The following SEC24D variants were observed in gnomAD, a reference collection of about 807,000 sequenced individuals.
The protein encoded by SEC24D is protein transport protein Sec24D.
SEC24D carries 69 observed loss-of-function variants against 116.9 expected under a neutral mutation model. The observed-to-expected ratio is 0.59, with a 90% CI of 0.49 to 0.72. The LOEUF (loss-of-function observed/expected upper bound fraction) is 0.72. Among genes scored for constraint, SEC24D ranks in the 30% least tolerant of loss-of-function variants. The pLI, the probability that SEC24D is intolerant of heterozygous loss-of-function variation, is 0.00. For missense variants in SEC24D, 1,131 were observed against 1,264.1 expected (o/e 0.89, Z 1.60); for synonymous variants, 405 against 442.8 (o/e 0.91, Z 1.07).
At chr4:118,831,221 G>T (rs144834089) in intron 2 of SEC24D, among the ~76,000 whole-genome samples, 13 of 152,236 alleles carry the variant, frequency 8.5e-5, no homozygotes, top group African/African-American at 2.6e-4. Context: ...TAGAGACCGG[G>T]ATTCACCATG....
intron 2 of SEC24D, among the ~76,000 whole-genome samples, chr4:118,829,760 C>T (rs1212835001): frequency 6.6e-6 from 1 of 151,456 alleles, no homozygotes. Context: ...TGCAGTGAGC[C>T]GAGATCGTGC....
At chr4:118,751,176 C>T (rs925578596) in intron 13 of SEC24D, among the ~76,000 whole-genome samples, 175 of 100,258 alleles carry the variant, frequency 1.7e-3, no homozygotes, top group Admixed American at 2.5e-3. Flanking sequence ...AGAGTGAGGG[C>T]TTTTTTTTTT....
intron 2 of SEC24D, among the ~76,000 whole-genome samples, chr4:118,827,404 A>AC: frequency 6.6e-6 from 1 of 152,336 alleles, no homozygotes; most frequent in South Asian, 2.1e-4. Context: ...GGAAAGGAAC[A>AC]CCGTGCAATG....
Position 118,792,098 on chromosome 4 carries a change from G to A in SEC24D, c.1041+5585C>T, listed in dbSNP as rs1204932922. ...ATGTGGGGAGCGCCTCTGCCCCGCC[G>A]CCCCGTCTGAGATGTGAAGAGCGCC... On this transcript the variant is annotated intron_variant, in intron 8 of 22. Coordinates refer to ENST00000280551, the MANE Select transcript of SEC24D (RefSeq NM_014822.4). Among the ~76,000 whole-genome samples the A allele has an allele frequency of 3.8e-3, 559 of 145,862 alleles. 2 individuals carry two copies. Among genetic ancestry groups the A allele is most frequent in the Admixed American group, 3.3e-3 (49 of 14,690 alleles).
intron 2 of SEC24D, among the ~76,000 whole-genome samples, chr4:118,829,297 G>A (rs1317602128): frequency 1.3e-5 from 2 of 152,168 alleles, no homozygotes; most frequent in African/African-American, 4.8e-5. Flanking sequence ...AGGATGGCTT[G>A]AGGCCAGGAG....
chr4:118,760,612 T>C (rs1331793129), intron 10 of SEC24D: 1 of 152,224 alleles, frequency 6.6e-6, no homozygotes, highest in Admixed American at 6.5e-5. Context: ...ATACTGCTGC[T>C]ATGAACAAGG....
chr4:118,775,345 CAAAAAAA>C (rs55740002), intron 8 of SEC24D, among the ~76,000 whole-genome samples: 1,384 of 114,518 alleles, frequency 0.012, 8 homozygotes, highest in Non-Finnish European at 0.015. Flanking sequence ...AGCAAAAGGT[CAAAAAAA>C]AAAAAAAAAA....
At chr4:118,823,477 G>A (rs2110533993) in intron 3 of SEC24D, among the ~76,000 whole-genome samples, 1 of 152,274 alleles carries the variant, frequency 6.6e-6, no homozygotes, top group African/African-American at 2.4e-5. Flanking sequence ...CATCTAGGGG[G>A]TACTGCCCAT....
At chr4:118,732,689 C>A in intron 20 of SEC24D, 44 bp downstream of exon 20, 13 of 1,566,056 alleles carry the variant, frequency 8.3e-6, no homozygotes, top group Non-Finnish European at 9.6e-6. Context: ...AATATGATTC[C>A]CTTCCAGCCT....
intron 13 of SEC24D, among the ~76,000 whole-genome samples, chr4:118,749,929 G>A (rs1361628366): frequency 6.6e-6 from 1 of 152,160 alleles, no homozygotes. Context: ...TATAAAGATA[G>A]TTCATTCTAC....
At chr4:118,792,377 C>T (rs1728965229) in intron 8 of SEC24D, among the ~76,000 whole-genome samples, 1 of 152,174 alleles carries the variant, frequency 6.6e-6, no homozygotes, top group African/African-American at 2.4e-5. Context: ...CGGCCGCCAC[C>T]CCTTCTGGGA....
rs568681884 is a variant in SEC24D, at chr4:118,771,498, C to T, written c.1042-3187G>A. On this transcript the variant is annotated intron_variant, in intron 8 of 22. Coordinates refer to ENST00000280551, the MANE Select transcript of SEC24D (RefSeq NM_014822.4). Reference sequence around the variant, plus strand: ...TCTTTTCCTTGTATTTTTGGATTAACGGGTGTGCCAAATACTGTGCTGATA... The same window carrying T: ...TCTTTTCCTTGTATTTTTGGATTAATGGGTGTGCCAAATACTGTGCTGATA... Among the ~76,000 whole-genome samples the T allele has an allele frequency of 1.2e-4, 19 of 152,180 alleles. No individual in the cohort carries two copies. In the East Asian group the frequency reaches 3.3e-3, roughly 26 times the overall value.
At chr4:118,828,186 G>GC (rs1164500742) in intron 2 of SEC24D, among the ~76,000 whole-genome samples, 5 of 151,728 alleles carry the variant, frequency 3.3e-5, no homozygotes, top group Admixed American at 3.3e-4. Context: ...TCAGCTCACT[G>GC]CAAGCTCCGC....
At chr4:118,761,469 T>G (rs955056449) in intron 10 of SEC24D, among the ~76,000 whole-genome samples, 2 of 152,170 alleles carry the variant, frequency 1.3e-5, no homozygotes, top group Non-Finnish European at 2.9e-5. Context: ...AAAGATAGAC[T>G]GCGTCTCAAA....
chr4:118,723,719 A>G (rs1252270794), intron 22 of SEC24D, 64 bp from the exon 23 acceptor site: 1 of 1,543,474 alleles, frequency 6.5e-7, no homozygotes, highest in Non-Finnish European at 8.8e-7. Context: ...AAATGGGTCA[A>G]TTTTGTCTAT....
intron 7 of SEC24D, among the ~76,000 whole-genome samples, chr4:118,798,986 A>G (rs1031589296): frequency 2.0e-5 from 3 of 152,186 alleles, no homozygotes; most frequent in African/African-American, 7.2e-5. Context: ...TTTTCTCCCA[A>G]TGAAATGGGG....
intron 19 of SEC24D, chr4:118,733,163 C>T (rs1286705584): frequency 1.3e-5 from 4 of 309,448 alleles, no homozygotes; most frequent in Admixed American, 4.9e-5. Context: ...TACCCACTCA[C>T]TGCTTAGGAT....
intron 8 of SEC24D, among the ~76,000 whole-genome samples, chr4:118,782,048 G>C (rs1208011345): frequency 6.6e-6 from 1 of 152,202 alleles, no homozygotes; most frequent in South Asian, 2.1e-4. Context: ...TTAGCTTGGA[G>C]AAGTTTGTTA....
At chr4:118,792,168 C>A (rs1322578587) in intron 8 of SEC24D, among the ~76,000 whole-genome samples, 1 of 150,838 alleles carries the variant, frequency 6.6e-6, no homozygotes, top group East Asian at 2.0e-4. Flanking sequence ...AGTGTCTCTG[C>A]CCCGCCGCCA....
Sources: gnomAD v4.1 joint callset for allele counts (sites outside exome capture counted in the v4.1 genomes callset) on GRCh38, gnomAD v4.1.1 for gene constraint, MANE v1.5 for transcripts, NCBI Gene and HGNC (gene_info 2026-07-23, HGNC 2026-07-21) for gene names.